Variants in NAALADL2 observed in about 807,000 individuals in gnomAD.
NAALADL2 encodes inactive N-acetylated-alpha-linked acidic dipeptidase-like protein 2.
Under a neutral mutation model 87.2 loss-of-function variants are expected in NAALADL2, and 76 were observed. That is an observed-to-expected ratio of 0.87 (90% CI 0.72 to 1.05). The LOEUF is 1.05. Ranked by LOEUF, NAALADL2 falls within the 50% of genes least tolerant of loss-of-function variation. NAALADL2 has a pLI of 0.00. For missense variants in NAALADL2, 1,089 were observed against 945.8 expected (o/e 1.15, Z -1.99); for synonymous variants, 354 against 331.0 (o/e 1.07, Z -0.75).
chr3:175,156,502 G>C (rs111685581), intron 2 of NAALADL2, among the ~76,000 whole-genome samples: 3 of 151,904 alleles, frequency 2.0e-5, no homozygotes, highest in Non-Finnish European at 2.9e-5. Context: ...AATAATACTC[G>C]TCACAGCTTT....
chr3:174,883,189 A>G (rs979007489), intron 1 of NAALADL2, among the ~76,000 whole-genome samples: 42 of 151,980 alleles, frequency 2.8e-4, no homozygotes, highest in African/African-American at 8.7e-4. Flanking sequence ...ACCCAGATTA[A>G]GGGGGGGTCT....
intron 2 of NAALADL2, among the ~76,000 whole-genome samples, chr3:175,176,190 T>G (rs970160143): frequency 6.6e-6 from 1 of 152,142 alleles, no homozygotes; most frequent in African/African-American, 2.4e-5. Flanking sequence ...CCCGCTGCCT[T>G]GGAAAATGAC....
At chr3:174,683,213 AG>A (rs2108831846) in intron 2 of NAALADL2, among the ~76,000 whole-genome samples, 1 of 152,272 alleles carries the variant, frequency 6.6e-6, no homozygotes, top group South Asian at 2.1e-4. Flanking sequence ...AAGTCAGAGG[AG>A]ACAAAAGAAA....
At chr3:174,471,414 C>G (rs187300650) in intron 1 of NAALADL2, among the ~76,000 whole-genome samples, 67 of 152,128 alleles carry the variant, frequency 4.4e-4, no homozygotes, top group Middle Eastern at 6.8e-3. Context: ...AGAATCCTCA[C>G]GCATGGTACT....
At chr3:174,787,674 TGG>T (rs1716976510) in intron 3 of NAALADL2, among the ~76,000 whole-genome samples, 1 of 136,078 alleles carries the variant, frequency 7.3e-6, no homozygotes, top group African/African-American at 2.6e-5. Flanking sequence ...ATTTCAAAAC[TGG>T]ACTTTTTGAA....
intron 1 of NAALADL2, among the ~76,000 whole-genome samples, chr3:174,532,055 G>GC (rs1247099164): frequency 1.7e-4 from 26 of 152,250 alleles, no homozygotes; most frequent in Non-Finnish European, 1.3e-4. Context: ...TGAAATCATT[G>GC]CAAGTACAGT....
intron 11 of NAALADL2, among the ~76,000 whole-genome samples, chr3:175,673,576 G>T (rs746229676): frequency 5.3e-5 from 8 of 151,818 alleles, no homozygotes; most frequent in Non-Finnish European, 8.8e-5. Flanking sequence ...TCACTAAAAT[G>T]ATTTTAACTT....
intron 2 of NAALADL2, among the ~76,000 whole-genome samples, chr3:174,597,031 C>G (rs985373808): frequency 2.6e-5 from 4 of 152,180 alleles, no homozygotes; most frequent in African/African-American, 7.2e-5. Flanking sequence ...GCATCCAACA[C>G]TATCCCAAGT....
rs75657757 is a variant in NAALADL2, at chr3:175,521,622, A to G, written c.1653+49864A>G. Among the ~76,000 whole-genome samples, 370 of 152,296 alleles carry G rather than the reference A, an allele frequency of 2.4e-3. 4 individuals are homozygous for G. Among genetic ancestry groups the G allele is most frequent in the African/African-American group, 8.1e-3 (335 of 41,562 alleles). On this transcript the variant is annotated intron_variant, in intron 9 of 13. Transcript: ENST00000454872. Reference sequence around the variant, plus strand: ...CTGGATTAGGGTGGGCTCTAATCCAATAACTAATGTCCTGGTAGTTAGAGA... The same window carrying G: ...CTGGATTAGGGTGGGCTCTAATCCAGTAACTAATGTCCTGGTAGTTAGAGA...
chr3:175,035,245 G>T (rs1281171393), intron 1 of NAALADL2, among the ~76,000 whole-genome samples: 1 of 152,140 alleles, frequency 6.6e-6, no homozygotes, highest in Non-Finnish European at 1.5e-5. Context: ...TGAATTGGTT[G>T]ACAGGTATGT....
chr3:175,477,420 T>C (rs1296003198), intron 9 of NAALADL2, among the ~76,000 whole-genome samples: 1 of 152,136 alleles, frequency 6.6e-6, no homozygotes, highest in Non-Finnish European at 1.5e-5. Context: ...ATTATAGAAC[T>C]TCTTTATTTT....
At chr3:175,184,314 A>C (rs1737020390) in intron 2 of NAALADL2, among the ~76,000 whole-genome samples, 1 of 152,068 alleles carries the variant, frequency 6.6e-6, no homozygotes, top group Non-Finnish European at 1.5e-5. Context: ...CAGATTGAGC[A>C]TTGGGTTATC....
intron 1 of NAALADL2, among the ~76,000 whole-genome samples, chr3:175,082,605 A>T (rs978676781): frequency 1.6e-4 from 25 of 152,198 alleles, no homozygotes; most frequent in Non-Finnish European, 3.5e-4. Flanking sequence ...GTAAAACCTA[A>T]CTTTATTGCA....
At position 175,783,099 on chromosome 3, in the gene NAALADL2, G is replaced by A. The variant is rs1276910626; in HGVS notation, c.2190-19906G>A. On this transcript the variant is annotated intron_variant, in intron 13 of 13. Transcript: ENST00000454872. The stretch of plus-strand genomic sequence containing the variant: ...TTGGTACCAGTACCATGCTGTTTTG[G>A]TTACTGTAGCCTTGTAGTATAGTTT... 1.8e-4 allele frequency among the ~76,000 whole-genome samples: 28 copies of A among 151,584 alleles called. 2 individuals carry two copies. In the South Asian group the frequency reaches 5.0e-3, roughly 27 times the overall value.
At position 175,016,329 on chromosome 3, in the gene NAALADL2, T is replaced by C. The variant is rs1208547072; in HGVS notation, c.44-80461T>C. 2.0e-5 allele frequency among the ~76,000 whole-genome samples: 3 copies of C among 150,298 alleles called. No homozygotes were observed. The South Asian group carries it at 6.3e-4, about 31-fold the overall frequency. ...AATGTAGTATATCCATATATGAGAA[T>C]ATTACGTGACTCATTACAACATTAC... On this transcript the variant is annotated intron_variant, in intron 1 of 13. Coordinates refer to ENST00000454872, the MANE Select transcript of NAALADL2 (RefSeq NM_207015.3).
chr3:175,765,908 C>T (rs575255118), intron 13 of NAALADL2, among the ~76,000 whole-genome samples: 10 of 152,170 alleles, frequency 6.6e-5, no homozygotes, highest in South Asian at 4.1e-4. Context: ...AGTTAACATG[C>T]GGCAGAAATG....
At chr3:174,776,387 G>C (rs1715214468) in intron 3 of NAALADL2, among the ~76,000 whole-genome samples, 1 of 152,038 alleles carries the variant, frequency 6.6e-6, no homozygotes, top group Admixed American at 6.6e-5. Context: ...CCCTGTTTAG[G>C]TAATAAACTT....
At chr3:175,132,631 C>T (rs1294564092) in intron 2 of NAALADL2, among the ~76,000 whole-genome samples, 19 of 123,598 alleles carry the variant, frequency 1.5e-4, no homozygotes, top group African/African-American at 6.2e-4. Flanking sequence ...ACCTCCCTCC[C>T]GGACGGGGTG....
At chr3:174,892,950 G>C (rs549500473) in intron 1 of NAALADL2, among the ~76,000 whole-genome samples, 1 of 147,644 alleles carries the variant, frequency 6.8e-6, no homozygotes, top group African/African-American at 2.5e-5. Context: ...ATACAAGAAA[G>C]TTGTAGAAAA....
Sources: allele counts gnomAD v4.1 joint callset (sites outside exome capture counted in the v4.1 genomes callset), GRCh38; gene constraint gnomAD v4.1.1; transcripts MANE v1.5; gene names NCBI Gene and HGNC (gene_info 2026-07-23, HGNC 2026-07-21).